Variants in HDX observed in about 807,000 individuals in gnomAD.
The protein encoded by HDX is highly divergent homeobox.
A neutral mutation model predicts 45.2 loss-of-function variants in HDX; 19 were observed. That is an observed-to-expected ratio of 0.42 (90% CI 0.29 to 0.62). HDX has a LOEUF of 0.62. Ranked by LOEUF, HDX falls within the 20% of genes least tolerant of loss-of-function variation. The pLI is 0.20. For synonymous variants in HDX, 188 were observed against 172.8 expected (o/e 1.09, Z -0.69); for missense variants, 532 against 493.9 (o/e 1.08, Z -0.73).
chrX:84,386,433 GTTC>G lies in HDX; in HGVS notation c.1306-24824_1306-24822del, dbSNP rs2038323280. 4.5e-5 allele frequency among the ~76,000 whole-genome samples: 5 copies of G among 111,300 alleles called. 1 individual carries two copies. Among genetic ancestry groups the G allele is most frequent in the Middle Eastern group, 4.7e-3 (1 of 214 alleles). On this transcript the variant is annotated intron_variant, in intron 5 of 10. Coordinates refer to ENST00000373177, the MANE Select transcript of HDX (RefSeq NM_001177479.2). ...AATAGTTTCATGATAATTGGTACCA[GTTC>G]TTCTTTCTACCTCTGGTAGAATTCA...
chrX:84,333,242 C>G (rs2036882812), intron 9 of HDX, among the ~76,000 whole-genome samples: 1 of 111,239 alleles, frequency 9.0e-6, no homozygotes, highest in African/African-American at 3.3e-5. Context: ...CTGTCAAAGG[C>G]AGCTTTTCAA....
intron 5 of HDX, among the ~76,000 whole-genome samples, chrX:84,391,710 A>AT (rs2038447698): frequency 9.0e-6 from 1 of 111,136 alleles, no homozygotes; most frequent in African/African-American, 3.3e-5. Context: ...AATGTTGAGC[A>AT]TTTTTTCATA....
At chrX:84,449,426 T>C (rs1384791319) in intron 4 of HDX, among the ~76,000 whole-genome samples, 2 of 111,440 alleles carry the variant, frequency 1.8e-5, no homozygotes, top group Non-Finnish European at 3.8e-5. Flanking sequence ...GAGAAAAGTA[T>C]CTAGTCACCT....
chrX:84,489,693 G>T (rs1443408134), intron 1 of HDX, among the ~76,000 whole-genome samples: 2 of 112,165 alleles, frequency 1.8e-5, no homozygotes, highest in Non-Finnish European at 1.9e-5. Flanking sequence ...GGTAGAGGGA[G>T]AGAGTTCCTT....
chrX:84,342,647 T>G (rs968369080), intron 7 of HDX, among the ~76,000 whole-genome samples: 1 of 110,570 alleles, frequency 9.0e-6, no homozygotes, highest in Non-Finnish European at 1.9e-5. Flanking sequence ...GTTAACCATT[T>G]GGAAAAATAA....
At chrX:84,384,875 C>A (rs1449677202) in intron 5 of HDX, among the ~76,000 whole-genome samples, 1 of 110,626 alleles carries the variant, frequency 9.0e-6, no homozygotes, top group African/African-American at 3.3e-5. Context: ...TATTCTATTT[C>A]ATTGGTCTGT....
chrX:84,399,639 C>G (rs935785059), intron 5 of HDX, among the ~76,000 whole-genome samples: 4 of 111,316 alleles, frequency 3.6e-5, no homozygotes, highest in Non-Finnish European at 5.7e-5. Context: ...AGAGGTACAA[C>G]AAGGAGCTGA....
Position 84,445,615 on chromosome X carries a change from T to C in HDX, c.1252-5030A>G, listed in dbSNP as rs536719225. 1.1e-4 allele frequency among the ~76,000 whole-genome samples: 12 copies of C among 110,823 alleles called. No individual in the cohort carries two copies. The South Asian group carries it at 4.2e-3, about 39-fold the overall frequency. On this transcript the variant is annotated intron_variant, in intron 4 of 10. Transcript: ENST00000373177. ...GACTAATGCATGGGGTAAGGAGCTGTGGAGGAGGGGAGTAAATTATTTATG... is the reference window on the plus strand; with the variant it reads ...GACTAATGCATGGGGTAAGGAGCTGCGGAGGAGGGGAGTAAATTATTTATG...
intron 5 of HDX, among the ~76,000 whole-genome samples, chrX:84,414,873 C>A (rs1332878069): frequency 8.9e-6 from 1 of 111,988 alleles, no homozygotes. Flanking sequence ...AAATAAAATA[C>A]ATTTTAACTA....
intron 2 of HDX, among the ~76,000 whole-genome samples, chrX:84,483,611 G>A (rs1000266843): frequency 5.3e-5 from 6 of 112,236 alleles, no homozygotes; most frequent in Middle Eastern, 4.6e-3. Flanking sequence ...CTGATGGGAT[G>A]GGCTTCCGTG....
At chrX:84,398,396 G>A (rs757790417) in intron 5 of HDX, among the ~76,000 whole-genome samples, 1 of 110,725 alleles carries the variant, frequency 9.0e-6, no homozygotes, top group Admixed American at 9.6e-5. Flanking sequence ...CCAAGCAAAT[G>A]GAAAACAAAA....
intron 2 of HDX, among the ~76,000 whole-genome samples, chrX:84,479,620 G>A (rs1414581046): frequency 2.7e-5 from 3 of 111,807 alleles, no homozygotes; most frequent in Admixed American, 9.5e-5. Context: ...AATTTAATAA[G>A]TTGTTAACCT....
intron 4 of HDX, among the ~76,000 whole-genome samples, chrX:84,447,403 A>T (rs190888713): frequency 8.9e-6 from 1 of 111,779 alleles, no homozygotes; most frequent in Admixed American, 9.5e-5. Context: ...AAGAGCCTAG[A>T]GAGGTTCCCC....
At chrX:84,370,039 A>G (rs1203285002) in intron 5 of HDX, among the ~76,000 whole-genome samples, 1 of 112,119 alleles carries the variant, frequency 8.9e-6, no homozygotes, top group Non-Finnish European at 1.9e-5. Flanking sequence ...ATAAATCAGT[A>G]GACTGAGTTA....
In HDX at chrX:84,323,045, T is replaced by C. The variant is rs375495080; in HGVS notation, c.1948-1031A>G. Reference sequence around the variant, plus strand: ...TTGAAATAAGACAGTATGCACTCATTCTCTTTATTAAAATAAGTGGCAGCT... The same window carrying C: ...TTGAAATAAGACAGTATGCACTCATCCTCTTTATTAAAATAAGTGGCAGCT... On this transcript the variant is annotated intron_variant, in intron 10 of 10. Transcript: ENST00000373177. Among the ~76,000 whole-genome samples the C allele has an allele frequency of 2.4e-4, 27 of 110,948 alleles. No homozygotes were observed. The South Asian group carries it at 7.1e-3, about 29-fold the overall frequency.
chrX:84,486,964 T>C (rs1299940514), intron 2 of HDX, among the ~76,000 whole-genome samples: 2 of 111,742 alleles, frequency 1.8e-5, no homozygotes, highest in African/African-American at 6.5e-5. Context: ...GGGATTTCAG[T>C]GACATGAATA....
intron 4 of HDX, among the ~76,000 whole-genome samples, chrX:84,463,940 C>T (rs753634942): frequency 1.8e-5 from 2 of 111,354 alleles, no homozygotes; most frequent in South Asian, 7.5e-4. Flanking sequence ...TCTTAGTATC[C>T]TTTAGGATTT....
intron 5 of HDX, among the ~76,000 whole-genome samples, chrX:84,410,638 T>C (rs2038961338): frequency 9.0e-6 from 1 of 111,694 alleles, no homozygotes; most frequent in African/African-American, 3.3e-5. Flanking sequence ...TTTTCTGTTG[T>C]GTTTCGGCCA....
chrX:84,366,637 A>G (rs1013413822), intron 5 of HDX, among the ~76,000 whole-genome samples: 1 of 111,477 alleles, frequency 9.0e-6, no homozygotes, highest in Non-Finnish European at 1.9e-5. Flanking sequence ...AAACAGACAA[A>G]TAGACCAATG....
Sources: gnomAD v4.1 joint callset for allele counts (sites outside exome capture counted in the v4.1 genomes callset) on GRCh38, gnomAD v4.1.1 for gene constraint, MANE v1.5 for transcripts, NCBI Gene and HGNC (gene_info 2026-07-23, HGNC 2026-07-21) for gene names.